The following APP variants were observed in gnomAD, a reference collection of about 807,000 sequenced individuals.
APP encodes the protein amyloid beta precursor protein.
Under a neutral mutation model 101.4 loss-of-function variants are expected in APP, and 31 were observed. That is an observed-to-expected ratio of 0.31 (90% confidence interval 0.23 to 0.41). The LOEUF (loss-of-function observed/expected upper bound fraction) is 0.41, where lower values mean the gene tolerates loss of function less well. Among genes scored for constraint, APP ranks in the 10% least tolerant of loss-of-function variants. The pLI is 1.00. For missense variants in APP, 839 were observed against 1,003.7 expected, an observed-to-expected ratio of 0.84 and a Z score of 2.22; for synonymous variants, 366 against 364.4, an observed-to-expected ratio of 1.00 and a Z score of -0.05.
chr21:25,892,162 C>G (rs2037743821), intron 16 of APP, among the ~76,000 whole-genome samples: 1 of 152,076 alleles, frequency 6.6e-6, no homozygotes, highest in Non-Finnish European at 1.5e-5. Flanking sequence ...ACTTTCCCCA[C>G]AGGTCAAAAC....
chr21:26,109,534 C>T lies in APP; in HGVS notation c.225+2445G>A, dbSNP rs186520285. 1.6e-3 allele frequency among the ~76,000 whole-genome samples: 247 copies of T among 152,296 alleles called. 2 individuals carry two copies. Among genetic ancestry groups the T allele is most frequent in the Non-Finnish European group, 7.2e-4 (49 of 68,036 alleles). ...ATGCTTCCCATACAGCCTTTGGAACCGTGAACCACTTAAACCTCTTTTCTT... is the reference window on the plus strand; with the variant it reads ...ATGCTTCCCATACAGCCTTTGGAACTGTGAACCACTTAAACCTCTTTTCTT... On this transcript the variant is annotated intron_variant, in intron 2 of 17. Transcript: ENST00000346798.
chr21:25,999,932 C>T, intron 7 of APP, 83 bp downstream of exon 7: 1 of 1,501,258 alleles, frequency 6.7e-7, no homozygotes. Flanking sequence ...TCCCAAGAAC[C>T]AGGAAAATCA....
intron 11 of APP, among the ~76,000 whole-genome samples, chr21:25,967,209 T>G (rs1018933610): frequency 6.6e-6 from 1 of 152,186 alleles, no homozygotes; most frequent in Non-Finnish European, 1.5e-5. Flanking sequence ...CAACATTTTT[T>G]TTTTGCTCAA....
At chr21:26,092,365 A>G (rs1455546346) in intron 2 of APP, among the ~76,000 whole-genome samples, 1 of 152,184 alleles carries the variant, frequency 6.6e-6, no homozygotes, top group East Asian at 1.9e-4. Context: ...GAACCCATGA[A>G]AAGACATGGA....
chr21:26,064,563 T>C (rs1482343813), intron 3 of APP, among the ~76,000 whole-genome samples: 1 of 151,686 alleles, frequency 6.6e-6, no homozygotes, highest in African/African-American at 2.4e-5. Context: ...CATAGGGTTT[T>C]ACTGGGGGCT....
intron 13 of APP, among the ~76,000 whole-genome samples, chr21:25,918,675 G>C (rs1019085526): frequency 1.3e-5 from 2 of 151,866 alleles, no homozygotes; most frequent in Admixed American, 1.3e-4. Context: ...TTTCAGACCG[G>C]CTTAAGAAAC....
chr21:26,044,490 T>A (rs1441706527), intron 5 of APP, among the ~76,000 whole-genome samples: 2 of 152,192 alleles, frequency 1.3e-5, no homozygotes, highest in African/African-American at 4.8e-5. Flanking sequence ...ATATCCTAGA[T>A]GAATTTTCTC....
intron 15 of APP, among the ~76,000 whole-genome samples, chr21:25,900,295 G>A (rs570641058): frequency 9.3e-5 from 14 of 150,282 alleles, no homozygotes; most frequent in African/African-American, 3.2e-4. Flanking sequence ...CACTTTGGGA[G>A]GCCAAGCTGG....
intron 3 of APP, among the ~76,000 whole-genome samples, chr21:26,069,214 C>T (rs1229986917): frequency 6.6e-6 from 1 of 152,144 alleles, no homozygotes; most frequent in African/African-American, 2.4e-5. Context: ...AGATACTTAT[C>T]GCTCATGAAT....
At chr21:25,950,385 T>C (rs569769012) in intron 13 of APP, among the ~76,000 whole-genome samples, 39 of 151,082 alleles carry the variant, frequency 2.6e-4, no homozygotes, top group African/African-American at 9.4e-4. Context: ...TTTTTTCTTT[T>C]TTTTTTTTTT....
In APP at chr21:26,058,888, T is replaced by A. The variant is rs45567435; in HGVS notation, c.356-5540A>T. Among the ~76,000 whole-genome samples, 713 of 152,238 alleles carry A rather than the reference T, an allele frequency of 4.7e-3. 29 individuals are homozygous for A. The highest frequency in any genetic ancestry group is 0.042 in the Admixed American group (646 of 15,294). ...CAAGGTCAGGAGATCGAGACCATCC[T>A]GGCTAACACGGTGAAACCCCGTCTC... On this transcript the variant is annotated intron_variant, in intron 3 of 17. Transcript: ENST00000346798.
intron 17 of APP, among the ~76,000 whole-genome samples, chr21:25,889,934 A>G (rs2037580208): frequency 6.6e-6 from 1 of 152,246 alleles, no homozygotes; most frequent in African/African-American, 2.4e-5. Flanking sequence ...AGGGGTCTTG[A>G]ATTACTCAAG....
intron 6 of APP, among the ~76,000 whole-genome samples, chr21:26,008,451 AG>A (rs1445021212): frequency 1.3e-5 from 2 of 152,200 alleles, no homozygotes; most frequent in African/African-American, 2.4e-5. Flanking sequence ...TTGGAAAATA[AG>A]GGGAAGTGCT....
At chr21:25,972,899 G>C (rs1460543178) in intron 11 of APP, among the ~76,000 whole-genome samples, 3 of 151,828 alleles carry the variant, frequency 2.0e-5, no homozygotes, top group Non-Finnish European at 2.9e-5. Flanking sequence ...GACAACAACC[G>C]CTTACAGAGA....
At chr21:25,974,609 T>C (rs2042156548) in intron 11 of APP, among the ~76,000 whole-genome samples, 1 of 152,226 alleles carries the variant, frequency 6.6e-6, no homozygotes. Flanking sequence ...GACAACCAAG[T>C]ATGCTGATGT....
intron 14 of APP, among the ~76,000 whole-genome samples, chr21:25,907,252 C>T (rs937982528): frequency 6.6e-6 from 1 of 152,062 alleles, no homozygotes; most frequent in Non-Finnish European, 1.5e-5. Context: ...GTGACATAAA[C>T]CCTAATCTGC....
chr21:26,012,765 G>T (rs2043866398), intron 6 of APP, among the ~76,000 whole-genome samples: 1 of 152,146 alleles, frequency 6.6e-6, no homozygotes, highest in African/African-American at 2.4e-5. Flanking sequence ...CCTGAGGTCA[G>T]AAGTTCGAGA....
In APP at chr21:25,920,288, G is replaced by T. The variant is rs915053621; in HGVS notation, c.1688-8326C>A. ...CTGCAAAATCATGCCAAAATGTAAA[G>T]ACCATCAAGACTAGGAAGAAACTGC... On this transcript the variant is annotated intron_variant, in intron 13 of 17. Coordinates refer to ENST00000346798, the MANE Select transcript of APP (RefSeq NM_000484.4). 6.0e-3 allele frequency among the ~76,000 whole-genome samples: 909 copies of T among 152,174 alleles called. 15 individuals carry two copies. The highest frequency in any genetic ancestry group is 0.02 in the African/African-American group (850 of 41,526).
intron 11 of APP, among the ~76,000 whole-genome samples, chr21:25,965,677 A>AT (rs2041769290): frequency 6.6e-6 from 1 of 152,112 alleles, no homozygotes; most frequent in Non-Finnish European, 1.5e-5. Flanking sequence ...CTTATGCGAG[A>AT]TTGTGTTTGC....
Sources: gnomAD v4.1 joint callset for allele counts (sites outside exome capture counted in the v4.1 genomes callset) on GRCh38, gnomAD v4.1.1 for gene constraint, MANE v1.5 for transcripts, NCBI Gene and HGNC (gene_info 2026-07-23, HGNC 2026-07-21) for gene names.